The following ZNF382 variants were observed in gnomAD, a reference collection of about 807,000 sequenced individuals.
ZNF382 encodes KRAB/zinc finger suppressor protein 1.
In ZNF382, 20 loss-of-function variants were observed where a neutral mutation model predicts 38.8. That is an observed-to-expected ratio of 0.51 (90% CI 0.36 to 0.75). The LOEUF (loss-of-function observed/expected upper bound fraction) is 0.75, where lower values mean the gene tolerates loss of function less well. ZNF382 is among the 30% of genes least tolerant of loss of function. The pLI is 0.00. For missense variants in ZNF382, 546 were observed against 654.1 expected, an observed-to-expected ratio of 0.83 and a Z score of 1.80; for synonymous variants, 202 against 223.1, an observed-to-expected ratio of 0.91 and a Z score of 0.84.
intron 4 of ZNF382, among the ~76,000 whole-genome samples, chr19:36,615,069 G>A (rs1292521019): frequency 4.2e-5 from 6 of 142,962 alleles, no homozygotes; most frequent in Admixed American, 2.9e-4. Context: ...TGCAACCTCC[G>A]ACTCCCGGGT....
At chr19:36,620,022 C>A (rs766189639) in intron 4 of ZNF382, among the ~76,000 whole-genome samples, 1 of 152,054 alleles carries the variant, frequency 6.6e-6, no homozygotes, top group Admixed American at 6.6e-5. Flanking sequence ...TGAGCCACTG[C>A]GCCTGGCCTG....
At position 36,607,530 on chromosome 19, in the gene ZNF382, T is replaced by C. The variant is rs2037044267; in HGVS notation, c.-84-22T>C. ...TCAAGTATGGTCTCACATACGTATA[T>C]CCTCCATCTTTGCTTTCTCAGGACT... On this transcript the variant is annotated intron_variant, in intron 1 of 4. Transcript: ENST00000292928. 6 of 1,400,246 alleles carry C rather than the reference T, an allele frequency of 4.3e-6. No homozygotes were observed. In the South Asian group the frequency reaches 7.4e-5, roughly 17 times the overall value. 86.7% of individuals were successfully genotyped at this position (1,400,246 alleles called of 1,614,324 possible). A position where few individuals can be genotyped will look rare whatever the true frequency, so the allele number is the denominator to read the frequency against.
At chr19:36,620,541 A>G (rs535813780) in intron 4 of ZNF382, among the ~76,000 whole-genome samples, 37 of 152,190 alleles carry the variant, frequency 2.4e-4, no homozygotes, top group African/African-American at 3.9e-4. Flanking sequence ...CCTGCAAGCT[A>G]CAATCATCTG....
intron 4 of ZNF382, among the ~76,000 whole-genome samples, chr19:36,614,510 A>G: frequency 6.6e-6 from 1 of 152,222 alleles, no homozygotes; most frequent in East Asian, 1.9e-4. Flanking sequence ...TGACAATGCT[A>G]TAACTTTCCA....
chr19:36,611,289 C>T (rs80067700), intron 4 of ZNF382, among the ~76,000 whole-genome samples: 1 of 148,516 alleles, frequency 6.7e-6, no homozygotes, highest in Non-Finnish European at 1.5e-5. Flanking sequence ...GACTCCATCT[C>T]AAAAAAAAAA....
At position 36,624,212 on chromosome 19, in the gene ZNF382, C is replaced by T. The variant is rs75075286; in HGVS notation, c.233-1918C>T. ...CAATTACCAATACAGATTAGTTTTA[C>T]GTGTTCAAACTGCACATAAGTGGAA... On this transcript the variant is annotated intron_variant, in intron 4 of 4. Coordinates refer to ENST00000292928, the MANE Select transcript of ZNF382 (RefSeq NM_032825.5). 9.0e-3 allele frequency among the ~76,000 whole-genome samples: 1,371 copies of T among 152,310 alleles called. 23 individuals carry two copies. Among genetic ancestry groups the T allele is most frequent in the African/African-American group, 0.028 (1,172 of 41,552 alleles).
At chr19:36,611,198 G>A (rs1178356090) in intron 4 of ZNF382, among the ~76,000 whole-genome samples, 1 of 152,134 alleles carries the variant, frequency 6.6e-6, no homozygotes, top group African/African-American at 2.4e-5. Flanking sequence ...GCTGAAGCAG[G>A]AGAATTGCTT....
chr19:36,617,424 T>C (rs917761383), intron 4 of ZNF382, among the ~76,000 whole-genome samples: 6 of 151,992 alleles, frequency 3.9e-5, no homozygotes, highest in African/African-American at 1.4e-4. Context: ...GGACCAGGAG[T>C]CTGACTCACC....
In ZNF382 at chr19:36,627,605, A is replaced by G; in HGVS notation, c.*55A>G. The G allele has an allele frequency of 7.4e-7, 1 of 1,358,132 alleles. No homozygotes were observed. Among genetic ancestry groups the G allele is most frequent in the Non-Finnish European group, 1.0e-6 (1 of 969,856 alleles). The allele number at this position is 1,358,132 out of a possible 1,614,324, so 84.1% of individuals were successfully genotyped here. On this transcript the variant is annotated 3_prime_UTR_variant, in exon 5 of 5. Coordinates refer to ENST00000292928, the MANE Select transcript of ZNF382 (RefSeq NM_032825.5). ...TAAGTCATAGTAAACCCTGTAGATG[A>G]TGTTGCTTGCAAGCGTAATATCCAA...
chr19:36,616,805 A>G (rs749356548), intron 4 of ZNF382, among the ~76,000 whole-genome samples: 12 of 152,054 alleles, frequency 7.9e-5, no homozygotes, highest in African/African-American at 1.2e-4. Context: ...AGCTGCAGGT[A>G]GTTTCTTTTG....
At position 36,631,858 on chromosome 19, in the gene ZNF382, G is replaced by A. The variant is rs993421114; in HGVS notation, c.*4308G>A. 1 of 152,034 alleles carries A rather than the reference G, an allele frequency of 6.6e-6. No individual in the cohort carries two copies. Among genetic ancestry groups the A allele is most frequent in the African/African-American group, 2.4e-5 (1 of 41,388 alleles). The allele number at this position is 152,034 out of a possible 1,614,324, so 9.4% of individuals were successfully genotyped here. ...AAGTCAACTTGACCTAAACATATAC[G>A]ACAAAATAGGAGTGATTTTACAAAT... On this transcript the variant is annotated 3_prime_UTR_variant, in exon 5 of 5. Coordinates refer to ENST00000292928, the MANE Select transcript of ZNF382 (RefSeq NM_032825.5).
intron 2 of ZNF382, 98 bp from the exon 3 acceptor site, chr19:36,609,804 G>T: frequency 9.3e-7 from 1 of 1,070,468 alleles, no homozygotes; most frequent in Non-Finnish European, 1.3e-6. Context: ...AGAATTTTAT[G>T]CAATATAAAA....
At chr19:36,612,974 G>C (rs1456389565) in intron 4 of ZNF382, among the ~76,000 whole-genome samples, 1 of 152,002 alleles carries the variant, frequency 6.6e-6, no homozygotes, top group African/African-American at 2.4e-5. Flanking sequence ...TGTATTTTTA[G>C]TAGAGACGGG....
chr19:36,622,955 A>G (rs751649086), intron 4 of ZNF382, among the ~76,000 whole-genome samples: 3 of 152,092 alleles, frequency 2.0e-5, no homozygotes, highest in South Asian at 4.2e-4. Flanking sequence ...TATGCATTCC[A>G]TTGTACTTGA....
rs1371232939 is a variant in ZNF382 at position 36,630,075 on chromosome 19, C to T, written c.*2525C>T. ...TGGCTGCATTTTTGCCTTACGATTA[C>T]ATACCTTAATAATTACAACTCAATT... On this transcript the variant is annotated 3_prime_UTR_variant, in exon 5 of 5. Coordinates refer to ENST00000292928, the MANE Select transcript of ZNF382 (RefSeq NM_032825.5). 1 of 152,170 alleles carries T rather than the reference C, an allele frequency of 6.6e-6. No individual in the cohort carries two copies. Among genetic ancestry groups the T allele is most frequent in the African/African-American group, 2.4e-5 (1 of 41,442 alleles). The allele number at this position is 152,170 out of a possible 1,614,324, so 9.4% of individuals were successfully genotyped here.
chr19:36,613,809 C>T (rs1205911329), intron 4 of ZNF382, among the ~76,000 whole-genome samples: 7 of 151,966 alleles, frequency 4.6e-5, no homozygotes, highest in Admixed American at 1.3e-4. Flanking sequence ...AAGTAGGGTT[C>T]GAGAGTCTAT....
intron 2 of ZNF382, 114 bp downstream of exon 2, chr19:36,607,736 C>G (rs928744283): frequency 2.0e-5 from 23 of 1,164,378 alleles, no homozygotes; most frequent in Non-Finnish European, 2.5e-5. Flanking sequence ...TGAAATTAGT[C>G]TTCAGTCAGG....
intron 1 of ZNF382, 146 bp from the exon 2 acceptor site, chr19:36,607,406 A>C (rs1216863487): frequency 1.8e-6 from 1 of 549,750 alleles, no homozygotes; most frequent in East Asian, 3.3e-5. Flanking sequence ...TTTCCCACTA[A>C]CTACCATCCT....
Position 36,622,103 on chromosome 19 carries a change from C to T in ZNF382, c.233-4027C>T, listed in dbSNP as rs74468393. Among the ~76,000 whole-genome samples, 834 of 151,470 alleles carry T rather than the reference C, an allele frequency of 5.5e-3. 23 individuals are homozygous for T. Among genetic ancestry groups the T allele is most frequent in the Admixed American group, 0.037 (564 of 15,154 alleles). On this transcript the variant is annotated intron_variant, in intron 4 of 4. Transcript: ENST00000292928. The stretch of plus-strand genomic sequence containing the variant: ...GTGGCGTGATCTTGGCTCACTGCAA[C>T]GTCCGCCTCCCAGGTTCAAGCGATT...
Sources: allele counts gnomAD v4.1 joint callset (sites outside exome capture counted in the v4.1 genomes callset), GRCh38; gene constraint gnomAD v4.1.1; transcripts MANE v1.5; gene names NCBI Gene and HGNC (gene_info 2026-07-23, HGNC 2026-07-21).